ATR: variants seen among roughly 807,000 people sequenced by gnomAD.
ATR encodes ATR checkpoint kinase.
ATR carries 142 observed loss-of-function variants against 305.3 expected under a neutral mutation model. The observed-to-expected ratio is 0.47, with a 90% CI of 0.41 to 0.53. ATR has a LOEUF of 0.53. ATR is among the 20% of genes least tolerant of loss of function. ATR has a pLI of 0.00. For synonymous variants in ATR, 1,050 were observed against 1,068.1 expected, an observed-to-expected ratio of 0.98 and a Z score of 0.33; for missense variants, 2,135 against 3,133.1, an observed-to-expected ratio of 0.68 and a Z score of 7.60.
intron 33 of ATR, 111 bp downstream of exon 33, chr3:142,496,902 T>C (rs1356189338): frequency 7.8e-6 from 10 of 1,282,076 alleles, no homozygotes; most frequent in African/African-American, 4.5e-5. Flanking sequence ...TCATTAAAAA[T>C]AGAAAAATGT....
At chr3:142,555,192 C>T (rs1042186108) in intron 10 of ATR, among the ~76,000 whole-genome samples, 1 of 150,512 alleles carries the variant, frequency 6.6e-6, no homozygotes, top group Non-Finnish European at 1.5e-5. Flanking sequence ...GCCAAGATGG[C>T]GCCATTGTAC....
chr3:142,485,365 C>G (rs2108312227), intron 35 of ATR, 83 bp from the exon 36 acceptor site: 1 of 1,508,952 alleles, frequency 6.6e-7, no homozygotes, highest in Admixed American at 1.9e-5. Context: ...GATTAGGGAT[C>G]AAAAGTATGT....
chr3:142,480,930 T>C (rs1041328607), intron 36 of ATR, among the ~76,000 whole-genome samples: 4 of 152,178 alleles, frequency 2.6e-5, no homozygotes, highest in African/African-American at 7.2e-5. Flanking sequence ...GCTAAGACCA[T>C]TGGAAAAGCG....
chr3:142,559,890 T>C (rs1432692016), intron 6 of ATR, among the ~76,000 whole-genome samples: 3 of 152,192 alleles, frequency 2.0e-5, no homozygotes, highest in Admixed American at 6.5e-5. Flanking sequence ...AGCGAGACCC[T>C]GTCTTCAACA....
At chr3:142,493,693 T>G (rs939225877) in intron 34 of ATR, among the ~76,000 whole-genome samples, 39 of 151,154 alleles carry the variant, frequency 2.6e-4, no homozygotes, top group Non-Finnish European at 5.8e-4. Context: ...CATAGCAAGA[T>G]CCTGTCTCTA....
At chr3:142,500,086 CACAT>C in intron 30 of ATR, 1 of 201,366 alleles carries the variant, frequency 5.0e-6, no homozygotes, top group Non-Finnish European at 1.0e-5. Flanking sequence ...CAACTGAACA[CACAT>C]AAATTCAGAG....
chr3:142,555,482 C>T (rs968159132), intron 10 of ATR, among the ~76,000 whole-genome samples: 3 of 152,108 alleles, frequency 2.0e-5, no homozygotes, highest in African/African-American at 7.2e-5. Flanking sequence ...CAAGAAGATA[C>T]ACTCTATAGT....
chr3:142,547,005 A>T (rs895882230), intron 16 of ATR, among the ~76,000 whole-genome samples: 5 of 152,224 alleles, frequency 3.3e-5, no homozygotes, highest in Admixed American at 2.6e-4. Flanking sequence ...TCATCACCAA[A>T]GTCTGATTTT....
chr3:142,545,776 T>C (rs2034246809), intron 16 of ATR, among the ~76,000 whole-genome samples: 1 of 152,124 alleles, frequency 6.6e-6, no homozygotes, highest in Non-Finnish European at 1.5e-5. Context: ...TGCTCATTAA[T>C]TATAAAAGGA....
chr3:142,519,588 C>T, intron 24 of ATR, 81 bp downstream of exon 24: 1 of 1,214,384 alleles, frequency 8.2e-7, no homozygotes, highest in Non-Finnish European at 1.2e-6. Flanking sequence ...GCGTGAGCCA[C>T]TGCACCCGGC....
intron 36 of ATR, among the ~76,000 whole-genome samples, chr3:142,475,207 C>A (rs1419251789): frequency 6.6e-6 from 1 of 152,180 alleles, no homozygotes; most frequent in Non-Finnish European, 1.5e-5. Flanking sequence ...ATTAACTCGT[C>A]ATTTAACATT....
intron 25 of ATR, among the ~76,000 whole-genome samples, chr3:142,514,447 C>T (rs1485074429): frequency 6.6e-6 from 1 of 151,492 alleles, no homozygotes; most frequent in African/African-American, 2.4e-5. Flanking sequence ...CTGGCTAACA[C>T]GGTGAAACCC....
chr3:142,501,189 C>G (rs968306263), intron 30 of ATR, among the ~76,000 whole-genome samples: 8 of 152,140 alleles, frequency 5.3e-5, no homozygotes, highest in Admixed American at 2.6e-4. Flanking sequence ...CAACCCAAAT[C>G]AGGAGGCTCT....
intron 34 of ATR, among the ~76,000 whole-genome samples, chr3:142,493,588 C>A (rs2031414911): frequency 6.6e-6 from 1 of 152,176 alleles, no homozygotes; most frequent in African/African-American, 2.4e-5. Context: ...TTAGGAATGG[C>A]TGGGCACAGT....
At chr3:142,553,075 C>T (rs2034535152) in intron 13 of ATR, 152 bp downstream of exon 13, 2 of 1,008,470 alleles carry the variant, frequency 2.0e-6, no homozygotes, top group African/African-American at 1.6e-5. Context: ...TGTAGCAAAC[C>T]TCTACATGCT....
chr3:142,455,499 G>A (rs1168129272), intron 45 of ATR, among the ~76,000 whole-genome samples: 1 of 152,192 alleles, frequency 6.6e-6, no homozygotes, highest in African/African-American at 2.4e-5. Flanking sequence ...CACACTTTAT[G>A]ATTTCAAAAT....
In ATR at chr3:142,508,918, C is replaced by T. The variant is rs550452027; in HGVS notation, c.4853-809G>A. Among the ~76,000 whole-genome samples, 435 of 64,662 alleles carry T rather than the reference C, an allele frequency of 6.7e-3. 4 individuals carry two copies. The highest frequency in any genetic ancestry group is 0.032 in the African/African-American group (420 of 13,208). 42.4% of individuals were successfully genotyped at this position (64,662 alleles called of 152,430 possible). A position where few individuals can be genotyped will look rare whatever the true frequency, so the allele number is the denominator to read the frequency against. On this transcript the variant is annotated intron_variant, in intron 27 of 46. Transcript: ENST00000350721. ...CAGCCTGGGTGACAGAGCGAGACTC[C>T]GTATCAAAAAAAAAAAAAAAAAGAA...
intron 42 of ATR, 57 bp from the exon 43 acceptor site, chr3:142,459,440 G>C: frequency 6.3e-7 from 1 of 1,586,836 alleles, no homozygotes; most frequent in Non-Finnish European, 8.6e-7. Flanking sequence ...AAGGGGCAAA[G>C]TTTTTTTTGT....
At chr3:142,561,675 A>G (rs2034885476) in intron 4 of ATR, among the ~76,000 whole-genome samples, 1 of 152,188 alleles carries the variant, frequency 6.6e-6, no homozygotes, top group Non-Finnish European at 1.5e-5. Flanking sequence ...AATGCTATAA[A>G]TTTTAATTCC....
Sources: gnomAD v4.1 joint callset for allele counts (sites outside exome capture counted in the v4.1 genomes callset) on GRCh38, gnomAD v4.1.1 for gene constraint, MANE v1.5 for transcripts, NCBI Gene and HGNC (gene_info 2026-07-23, HGNC 2026-07-21) for gene names.